Variants in DLGAP2 observed in about 807,000 individuals in gnomAD.
DLGAP2 encodes the protein disks large-associated protein 2.
A neutral mutation model predicts 100.3 loss-of-function variants in DLGAP2; 26 were observed. The ratio of observed to expected loss-of-function variants is 0.26; its 90% CI spans 0.19 to 0.36. The LOEUF (loss-of-function observed/expected upper bound fraction) is 0.36. Among genes scored for constraint, DLGAP2 ranks in the 10% least tolerant of loss-of-function variants. DLGAP2 has a pLI of 1.00. For missense variants in DLGAP2, 1,858 were observed against 1,453.2 expected (o/e 1.28, Z -4.53); for synonymous variants, 886 against 630.1 (o/e 1.41, Z -6.08).
At position 1,151,043 on chromosome 8, in the gene DLGAP2, T is replaced by C. The variant is rs76070815; in HGVS notation, c.74-107808T>C. On this transcript the variant is annotated intron_variant, in intron 2 of 14. Coordinates refer to ENST00000637795, the MANE Select transcript of DLGAP2 (RefSeq NM_001346810.2). The stretch of plus-strand genomic sequence containing the variant: ...TTATGCTTTGTTTTTGATTTGGTCC[T>C]CCACTTTCTTTTTTCATTGAAAACG... Among the ~76,000 whole-genome samples the C allele has an allele frequency of 4.2e-3, 635 of 152,362 alleles. 1 individual carries two copies. The highest frequency in any genetic ancestry group is 0.015 in the African/African-American group (615 of 41,590).
At chr8:1,298,732 A>G (rs1800254835) in intron 3 of DLGAP2, among the ~76,000 whole-genome samples, 1 of 152,200 alleles carries the variant, frequency 6.6e-6, no homozygotes, top group South Asian at 2.1e-4. Flanking sequence ...AGAATGTCAA[A>G]AGGGCAAGAC....
At chr8:1,374,121 T>G (rs1802329630) in intron 3 of DLGAP2, among the ~76,000 whole-genome samples, 1 of 146,074 alleles carries the variant, frequency 6.8e-6, no homozygotes, top group African/African-American at 2.7e-5. Context: ...GTGGTGGAGG[T>G]TAGGTTAGGT....
At chr8:804,806 C>T (rs966742078) in intron 1 of DLGAP2, among the ~76,000 whole-genome samples, 5 of 152,142 alleles carry the variant, frequency 3.3e-5, no homozygotes, top group Admixed American at 2.6e-4. Flanking sequence ...CACTTTGTCA[C>T]CCAGGCTCGA....
chr8:1,563,040 C>T lies in DLGAP2; in HGVS notation c.1231-2643C>T, dbSNP rs540720924. ...GGGCTGTGTGGTTTTGGGGTGTCCG[C>T]GCCTCGTTACTGGGGGACTGTGTGG... is the stretch of plus-strand genomic sequence containing the variant. On this transcript the variant is annotated intron_variant, in intron 5 of 14. Transcript: ENST00000637795. Among the ~76,000 whole-genome samples the T allele has an allele frequency of 1.6e-3, 58 of 36,616 alleles. 2 individuals carry two copies. Among genetic ancestry groups the T allele is most frequent in the Non-Finnish European group, 2.1e-3 (43 of 20,838 alleles). The allele number at this position is 36,616 out of a possible 152,430, so 24.0% of individuals were successfully genotyped here. A position where few individuals can be genotyped will look rare whatever the true frequency, so the allele number is the denominator to read the frequency against.
chr8:1,051,671 G>A (rs1802716667), intron 2 of DLGAP2, among the ~76,000 whole-genome samples: 1 of 152,062 alleles, frequency 6.6e-6, no homozygotes, highest in African/African-American at 2.4e-5. Flanking sequence ...GTCACGTCTG[G>A]TCCACATCAC....
Position 1,701,226 on chromosome 8 carries a change from T to A in DLGAP2, c.2988T>A (p.Pro996=). 6.3e-7 allele frequency: 1 copy of A among 1,575,864 alleles called. No individual in the cohort carries two copies. The highest frequency in any genetic ancestry group is 1.2e-5 in the South Asian group (1 of 85,750). The change falls in exon 15 of 15, where the codon CCT becomes CCA. Residue 996 remains proline, a synonymous_variant. Transcript: ENST00000637795. ...TCCCGCCTCCAATACCAAAGAAGCC[T>A]CCCAAGGGGAAGTTTCCCATCACAA... is the stretch of plus-strand genomic sequence containing the variant. The part of the protein sequence containing the change: ...RKVPPPIPKK[P]PKGKFPITRE...
intron 1 of DLGAP2, among the ~76,000 whole-genome samples, chr8:861,232 CA>C (rs1797383853): frequency 6.6e-6 from 1 of 152,208 alleles, no homozygotes; most frequent in Non-Finnish European, 1.5e-5. Context: ...ATAGCATTTA[CA>C]ATGTCCTAGC....
chr8:1,434,158 T>C (rs967222325), intron 3 of DLGAP2, among the ~76,000 whole-genome samples: 4 of 152,112 alleles, frequency 2.6e-5, no homozygotes, highest in African/African-American at 9.7e-5. Context: ...GGAGGATTAA[T>C]ATGACCGTCA....
intron 8 of DLGAP2, among the ~76,000 whole-genome samples, chr8:1,655,783 A>C (rs1275336254): frequency 6.6e-6 from 1 of 152,240 alleles, no homozygotes; most frequent in African/African-American, 2.4e-5. Flanking sequence ...AAGGACCTTC[A>C]TGATCAGAGT....
At chr8:1,595,090 G>A (rs776348308) in intron 6 of DLGAP2, among the ~76,000 whole-genome samples, 3 of 151,672 alleles carry the variant, frequency 2.0e-5, no homozygotes, top group African/African-American at 7.3e-5. Flanking sequence ...CACCCAGGCT[G>A]GAGTGCAGGG....
intron 6 of DLGAP2, among the ~76,000 whole-genome samples, chr8:1,578,895 G>T (rs546076842): frequency 2.0e-5 from 3 of 152,108 alleles, no homozygotes; most frequent in Non-Finnish European, 4.4e-5. Context: ...CCCGTCTGTG[G>T]GTCAGACCCT....
chr8:1,139,241 G>A (rs886254922), intron 2 of DLGAP2, among the ~76,000 whole-genome samples: 4 of 152,208 alleles, frequency 2.6e-5, no homozygotes, highest in Non-Finnish European at 4.4e-5. Flanking sequence ...GCTGCCCCTC[G>A]TTGCCCCTGT....
At chr8:937,909 A>G (rs11777063) in intron 2 of DLGAP2, among the ~76,000 whole-genome samples, 62,766 of 151,942 alleles carry the variant, frequency 0.41, 13,373 homozygotes, top group Admixed American at 0.54. Flanking sequence ...TGCCTGGGGT[A>G]GGGGGACAGG....
chr8:1,608,749 G>C (rs1384360236), intron 6 of DLGAP2, among the ~76,000 whole-genome samples: 1 of 148,524 alleles, frequency 6.7e-6, no homozygotes, highest in East Asian at 2.0e-4. Context: ...GAATGCAGAA[G>C]CCTCAGGAGC....
At chr8:1,098,188 C>A (rs10092234) in intron 2 of DLGAP2, among the ~76,000 whole-genome samples, 83,073 of 152,176 alleles carry the variant, frequency 0.55, 26,101 homozygotes, top group Non-Finnish European at 0.71. Context: ...TGGACTGAGT[C>A]CCGGCGTCCT....
chr8:916,643 AC>A (rs1300913563), intron 2 of DLGAP2, among the ~76,000 whole-genome samples: 1 of 152,236 alleles, frequency 6.6e-6, no homozygotes, highest in Non-Finnish European at 1.5e-5. Flanking sequence ...GTACCCTAGA[AC>A]TTAAAGTATA....
chr8:747,544 G>A (rs1820655867), intron 1 of DLGAP2, among the ~76,000 whole-genome samples: 1 of 144,108 alleles, frequency 6.9e-6, no homozygotes, highest in Admixed American at 6.9e-5. Flanking sequence ...GAAGTAGGAC[G>A]GGGCGCAGGG....
chr8:1,327,053 C>T (rs1397300667), intron 3 of DLGAP2, among the ~76,000 whole-genome samples: 1 of 152,230 alleles, frequency 6.6e-6, no homozygotes, highest in African/African-American at 2.4e-5. Flanking sequence ...TGCGAAAATC[C>T]CGGGCAGGCC....
At chr8:1,252,033 T>C (rs1764338038) in intron 2 of DLGAP2, among the ~76,000 whole-genome samples, 1 of 151,372 alleles carries the variant, frequency 6.6e-6, no homozygotes, top group African/African-American at 2.4e-5. Flanking sequence ...AGTCACAATG[T>C]CAGAGTCATG....
Sources: gnomAD v4.1 joint callset for allele counts (sites outside exome capture counted in the v4.1 genomes callset) on GRCh38, gnomAD v4.1.1 for gene constraint, MANE v1.5 for transcripts, NCBI Gene and HGNC (gene_info 2026-07-23, HGNC 2026-07-21) for gene names.